The following ECT2 variants were observed in gnomAD, a reference collection of about 807,000 sequenced individuals.
ECT2 encodes epithelial cell transforming 2.
Under a neutral mutation model 116.9 loss-of-function variants are expected in ECT2, and 61 were observed. That is an observed-to-expected ratio of 0.52 (90% CI 0.42 to 0.65). ECT2 has a LOEUF of 0.65. ECT2 is among the 30% of genes least tolerant of loss of function. ECT2 has a pLI of 0.00. For missense variants in ECT2, 937 were observed against 1,078.7 expected, an observed-to-expected ratio of 0.87 and a Z score of 1.84; for synonymous variants, 358 against 346.4, an observed-to-expected ratio of 1.03 and a Z score of -0.37.
rs370355751 is a variant in ECT2, at chr3:172,762,398, A to G, written c.759-18A>G. 5.1e-6 allele frequency: 8 copies of G among 1,583,288 alleles called. No homozygotes were observed. In the African/African-American group the frequency reaches 9.6e-5, roughly 19 times the overall value. ...ATTTAAGTTAAACTGGTTTTGGAAG[A>G]GTGTATTTTGTTTTTAGGGATTTCT... On this transcript the variant is annotated intron_variant, in intron 8 of 24. Transcript: ENST00000392692.
rs1218216100 is a variant in ECT2 at position 172,801,811 on chromosome 3, TG to T, written c.1908-804del. Among the ~76,000 whole-genome samples the T allele has an allele frequency of 2.0e-5, 3 of 152,354 alleles. No homozygotes were observed. The East Asian group carries it at 5.8e-4, about 29-fold the overall frequency. On this transcript the variant is annotated intron_variant, in intron 18 of 24. Coordinates refer to ENST00000392692, the MANE Select transcript of ECT2 (RefSeq NM_001258315.2). ...TGAGAACCCTTGTTTCTTTGTATTT[TG>T]ACCAATTTTTTTAGTTGTTTCAGTC...
At chr3:172,759,658 A>G (rs1390928333) in intron 6 of ECT2, among the ~76,000 whole-genome samples, 2 of 151,906 alleles carry the variant, frequency 1.3e-5, no homozygotes, top group Admixed American at 1.3e-4. Context: ...GTTAGCCAGG[A>G]TGGTCTTGAT....
chr3:172,809,591 AC>A (rs1162413262), intron 22 of ECT2, among the ~76,000 whole-genome samples: 25 of 149,352 alleles, frequency 1.7e-4, no homozygotes, highest in Non-Finnish European at 3.1e-4. Flanking sequence ...ACACACACAC[AC>A]ACACACGCAC....
chr3:172,814,566 C>T (rs1266532431), intron 22 of ECT2, among the ~76,000 whole-genome samples: 1 of 152,020 alleles, frequency 6.6e-6, no homozygotes. Flanking sequence ...TCTGAAAATC[C>T]AACCATAATT....
In ECT2 at chr3:172,802,849, CAACCTATACAGGCTA is replaced by C; in HGVS notation, c.1987-10_1991del. On this transcript the variant is annotated splice_acceptor_variant and splice_polypyrimidine_tract_variant and coding_sequence_variant and intron_variant, in exon 20 of 25. Transcript: ENST00000392692. LOFTEE classifies it high-confidence loss of function. ...CAAGTGATCTCTTTTGTTATATTTT[CAACCTATACAGGCTA>C]ATCTTTTATCTTCTCACCGAAGCTT... The C allele has an allele frequency of 6.3e-7, 1 of 1,598,442 alleles. No homozygotes were observed. Among genetic ancestry groups the C allele is most frequent in the Non-Finnish European group, 8.5e-7 (1 of 1,175,570 alleles).
At chr3:172,819,904 T>C (rs1023710190) in intron 24 of ECT2, among the ~76,000 whole-genome samples, 4 of 152,126 alleles carry the variant, frequency 2.6e-5, no homozygotes, top group African/African-American at 9.7e-5. Flanking sequence ...ATCTGTTCAG[T>C]TGAGTTAATA....
At chr3:172,819,119 T>C (rs1283801129) in intron 24 of ECT2, among the ~76,000 whole-genome samples, 2 of 152,118 alleles carry the variant, frequency 1.3e-5, no homozygotes, top group African/African-American at 4.8e-5. Context: ...AAATTATGCT[T>C]TTAATATGCC....
chr3:172,780,011 TA>T (rs780478843), intron 14 of ECT2, among the ~76,000 whole-genome samples: 4 of 152,206 alleles, frequency 2.6e-5, no homozygotes, highest in Non-Finnish European at 5.9e-5. Flanking sequence ...CCACCCCAAA[TA>T]AGATGTCTAC....
rs1729788069 is a variant in ECT2 at position 172,816,739 on chromosome 3, AG to A, written c.2560del (p.Ala854LeufsTer3). 1.2e-6 allele frequency: 2 copies of A among 1,608,214 alleles called. No individual in the cohort carries two copies. The highest frequency in any genetic ancestry group is 3.3e-5 in the Admixed American group (2 of 59,820). The stretch of plus-strand genomic sequence containing the variant: ...CAAAACTCCAAAAAGAGCTCTTCGA[AG>A]GGCTCTTATGACATCCCACGGCTCA... Reference protein sequence around the residue: ...FSKTPKRALRRALMTSHGSVE... With the variant: ...FSKTPKRALRXALMTSHGSVE... On this transcript the variant is annotated frameshift_variant, in exon 24 of 25. Transcript: ENST00000392692. LOFTEE classifies it high-confidence loss of function.
chr3:172,811,508 G>A (rs1728765528), intron 22 of ECT2, among the ~76,000 whole-genome samples: 1 of 152,082 alleles, frequency 6.6e-6, no homozygotes, highest in African/African-American at 2.4e-5. Flanking sequence ...CCTCCCCTAA[G>A]TCAGAAGCAG....
chr3:172,801,915 G>A (rs1048862961), intron 18 of ECT2, among the ~76,000 whole-genome samples: 7 of 152,146 alleles, frequency 4.6e-5, no homozygotes, highest in African/African-American at 1.7e-4. Flanking sequence ...GAAATGATTA[G>A]CCTATGACTT....
At chr3:172,791,691 G>A (rs1169489625) in intron 18 of ECT2, among the ~76,000 whole-genome samples, 1 of 152,106 alleles carries the variant, frequency 6.6e-6, no homozygotes, top group Non-Finnish European at 1.5e-5. Flanking sequence ...GGCTTGTTCT[G>A]GATTGTTAAG....
At chr3:172,787,849 G>A (rs928309964) in intron 18 of ECT2, among the ~76,000 whole-genome samples, 2 of 152,130 alleles carry the variant, frequency 1.3e-5, no homozygotes, top group East Asian at 1.9e-4. Context: ...TGTTATTTAT[G>A]TACAATATAT....
Position 172,805,626 on chromosome 3 carries a change from A to C in ECT2, c.2107-105A>C, listed in dbSNP as rs1727538392. On this transcript the variant is annotated intron_variant, in intron 20 of 24. Transcript: ENST00000392692. Reference sequence around the variant, plus strand: ...CAACTTTGTAACGAATAATAACTAAATAAGTTATATATAGATTTATGTGAT... The same window carrying C: ...CAACTTTGTAACGAATAATAACTAACTAAGTTATATATAGATTTATGTGAT... The C allele has an allele frequency of 2.7e-6, 3 of 1,100,536 alleles. No individual in the cohort carries two copies. The Admixed American group carries it at 8.2e-5, about 30-fold the overall frequency. The allele number at this position is 1,100,536 out of a possible 1,614,324, so 68.2% of individuals were successfully genotyped here. A position where few individuals can be genotyped will look rare whatever the true frequency, so the allele number is the denominator to read the frequency against.
At chr3:172,825,025 A>C (rs1217539168), downstream of ECT2, among the ~76,000 whole-genome samples, 3 of 152,250 alleles carry the variant, frequency 2.0e-5, no homozygotes, top group African/African-American at 7.2e-5. Context: ...GCAATGCTGC[A>C]TTGAGCAAGT....
chr3:172,820,192 A>G lies in ECT2; in HGVS notation c.2700A>G (p.Glu900=), dbSNP rs750274783. Residue 900 remains glutamate (E), a synonymous_variant, in exon 25 of 25, where the codon GAA becomes GAG. Coordinates refer to ENST00000392692, the MANE Select transcript of ECT2 (RefSeq NM_001258315.2). ...TTGTCAGCCTTCCTTCCTTCTTTGAAAGGAGAAGTCATACGTTAAGTAGAT... is the reference window on the plus strand; with the variant it reads ...TTGTCAGCCTTCCTTCCTTCTTTGAGAGGAGAAGTCATACGTTAAGTAGAT... ...PSLVSLPSFF[E]RRSHTLSRST... The G allele has an allele frequency of 3.7e-6, 6 of 1,610,526 alleles. No homozygotes were observed. The African/African-American group carries it at 5.4e-5, about 14-fold the overall frequency.
intron 12 of ECT2, 116 bp downstream of exon 12, chr3:172,764,616 G>A: frequency 2.2e-6 from 2 of 920,578 alleles, no homozygotes; most frequent in South Asian, 3.4e-5. Context: ...AATTACCTTT[G>A]TTCTAGCTGT....
At chr3:172,760,712 C>CT (rs60727631) in intron 7 of ECT2, among the ~76,000 whole-genome samples, 874 of 76,216 alleles carry the variant, frequency 0.011, 163 homozygotes, top group African/African-American at 0.029. Flanking sequence ...GTCTAAGTGC[C>CT]TTTTTTTTTT....
intron 1 of ECT2, among the ~76,000 whole-genome samples, chr3:172,753,542 G>C (rs1473158218): frequency 6.6e-6 from 1 of 152,170 alleles, no homozygotes; most frequent in African/African-American, 2.4e-5. Context: ...AACCTTTTAG[G>C]GGAGAGGTGT....
Sources: allele counts gnomAD v4.1 joint callset (sites outside exome capture counted in the v4.1 genomes callset), GRCh38; gene constraint gnomAD v4.1.1; transcripts MANE v1.5; gene names NCBI Gene and HGNC (gene_info 2026-07-23, HGNC 2026-07-21).